The following DYNC1LI1 variants were observed in gnomAD, a reference collection of about 807,000 sequenced individuals.
DYNC1LI1 encodes cytoplasmic dynein 1 light intermediate chain 1.
DYNC1LI1 carries 19 observed loss-of-function variants against 63.8 expected under a neutral mutation model. The observed-to-expected ratio is 0.30, with a 90% CI of 0.21 to 0.44. DYNC1LI1 has a LOEUF of 0.44. DYNC1LI1 is among the 20% of genes least tolerant of loss of function. DYNC1LI1 has a pLI of 1.00. For missense variants in DYNC1LI1, 565 were observed against 630.2 expected, an observed-to-expected ratio of 0.90 and a Z score of 1.11; for synonymous variants, 225 against 232.3, an observed-to-expected ratio of 0.97 and a Z score of 0.28.
chr3:32,550,006 G>T (rs1698010311), intron 2 of DYNC1LI1, among the ~76,000 whole-genome samples: 1 of 152,116 alleles, frequency 6.6e-6, no homozygotes, highest in Non-Finnish European at 1.5e-5. Flanking sequence ...TTGATAATTT[G>T]GTTATCTCTG....
chr3:32,555,826 G>C (rs1013886969), intron 2 of DYNC1LI1, among the ~76,000 whole-genome samples: 1 of 152,230 alleles, frequency 6.6e-6, no homozygotes, highest in Non-Finnish European at 1.5e-5. Flanking sequence ...ATGGGTAAGA[G>C]AGCAGGACAC....
intron 2 of DYNC1LI1, among the ~76,000 whole-genome samples, chr3:32,553,430 T>C (rs1239645095): frequency 3.3e-5 from 5 of 152,184 alleles, no homozygotes; most frequent in Admixed American, 3.3e-4. Flanking sequence ...AATCCCTAAA[T>C]GCAGGATACA....
chr3:32,539,781 C>A (rs1452908045), intron 5 of DYNC1LI1, among the ~76,000 whole-genome samples: 5 of 151,806 alleles, frequency 3.3e-5, no homozygotes, highest in Admixed American at 3.3e-4. Context: ...ATGATCCGCC[C>A]ACCTCGACCT....
chr3:32,533,877 CTTTTTT>C (rs57075516), intron 7 of DYNC1LI1, among the ~76,000 whole-genome samples: 73 of 130,468 alleles, frequency 5.6e-4, no homozygotes, highest in African/African-American at 2.0e-3. Flanking sequence ...AGGTAACTTT[CTTTTTT>C]TTTTTTTTTT....
intron 2 of DYNC1LI1, 141 bp downstream of exon 2, chr3:32,570,205 C>T: frequency 5.2e-6 from 4 of 766,098 alleles, no homozygotes; most frequent in Non-Finnish European, 9.0e-6. Context: ...CTCTCCCAGC[C>T]ATCCGCGACA....
intron 2 of DYNC1LI1, among the ~76,000 whole-genome samples, chr3:32,563,033 C>T (rs144118311): frequency 4.4e-4 from 67 of 152,090 alleles, no homozygotes; most frequent in East Asian, 4.3e-3. Context: ...TATTTCATAC[C>T]GACATACTTG....
At chr3:32,541,376 C>T (rs1374075854) in intron 4 of DYNC1LI1, among the ~76,000 whole-genome samples, 170 bp from the exon 5 acceptor site, 1 of 152,040 alleles carries the variant, frequency 6.6e-6, no homozygotes, top group African/African-American at 2.4e-5. Context: ...AACACTGGAC[C>T]CACAGTAATA....
At chr3:32,528,983 G>C (rs1219137167) in intron 11 of DYNC1LI1, among the ~76,000 whole-genome samples, 4 of 152,064 alleles carry the variant, frequency 2.6e-5, no homozygotes, top group Non-Finnish European at 5.9e-5. Context: ...GAGATAAATG[G>C]GCAAATGATA....
chr3:32,532,485 G>GTATATATATATGTA lies in DYNC1LI1; in HGVS notation c.1080+500_1080+501insTACATATATATATA, dbSNP rs1292389896. 491 of 122,192 alleles carry GTATATATATATGTA rather than the reference G, an allele frequency of 4.0e-3. 8 individuals are homozygous for GTATATATATATGTA. Among genetic ancestry groups the GTATATATATATGTA allele is most frequent in the African/African-American group, 0.013 (464 of 34,506 alleles). 7.6% of individuals were successfully genotyped at this position (122,192 alleles called of 1,614,324 possible). A position where few individuals can be genotyped will look rare whatever the true frequency, so the allele number is the denominator to read the frequency against. On this transcript the variant is annotated intron_variant, in intron 8 of 12. Transcript: ENST00000273130. ...CATCTCAAAAAAAAAAAAAAAATGT[G>GTATATATATATGTA]TGTATATATATATATATATATAAAA... is the stretch of plus-strand genomic sequence containing the variant.
At chr3:32,542,753 GA>G (rs1313570128) in intron 4 of DYNC1LI1, among the ~76,000 whole-genome samples, 1 of 151,838 alleles carries the variant, frequency 6.6e-6, no homozygotes, top group Non-Finnish European at 1.5e-5. Flanking sequence ...TACTTACTTA[GA>G]AAAAAAATGT....
intron 5 of DYNC1LI1, among the ~76,000 whole-genome samples, chr3:32,537,903 A>ATATATAATT (rs1559436058): frequency 3.9e-5 from 2 of 51,880 alleles, no homozygotes; most frequent in African/African-American, 1.6e-4. Flanking sequence ...TATATATAAT[A>ATATATAATT]TATATATATA....
At chr3:32,538,429 G>A (rs1163627203) in intron 5 of DYNC1LI1, among the ~76,000 whole-genome samples, 2 of 151,784 alleles carry the variant, frequency 1.3e-5, no homozygotes, top group Admixed American at 6.6e-5. Flanking sequence ...GGCCAGGCGC[G>A]GTGGCTCACG....
chr3:32,570,239 G>A, intron 2 of DYNC1LI1, 107 bp downstream of exon 2: 1 of 925,516 alleles, frequency 1.1e-6, no homozygotes, highest in South Asian at 1.4e-5. Context: ...GGCGGGGCGG[G>A]GCTGGGCCGG....
At chr3:32,537,909 ATAT>A (rs1559436073) in intron 5 of DYNC1LI1, among the ~76,000 whole-genome samples, 26 of 82,054 alleles carry the variant, frequency 3.2e-4, no homozygotes, top group African/African-American at 1.4e-3. Context: ...TAATATATAT[ATAT>A]AATTTATATA....
At chr3:32,530,780 T>A in intron 8 of DYNC1LI1, 1 of 400,942 alleles carries the variant, frequency 2.5e-6, no homozygotes, top group Non-Finnish European at 4.5e-6. Context: ...ACTGAGCACT[T>A]GAAATGTGGC....
intron 8 of DYNC1LI1, chr3:32,532,699 T>C (rs911830996): frequency 4.0e-5 from 11 of 273,680 alleles, no homozygotes; most frequent in Non-Finnish European, 1.9e-5. Context: ...TATTCACTCA[T>C]GCCAATCTGA....
Position 32,545,923 on chromosome 3 carries a change from T to C in DYNC1LI1, c.263A>G (p.Gln88Arg). The change falls in exon 3 of 13, where the codon CAG becomes CGG. Residue 88 changes from glutamine (Q) to arginine (R), a missense_variant. Gln to Arg is a conservative substitution (Grantham distance 43, BLOSUM62 1). Transcript: ENST00000273130. Reference protein sequence around the residue: ...AGKTSLIRKIQGIEEYKKGRG... With the variant: ...AGKTSLIRKIRGIEEYKKGRG... Reference sequence around the variant, plus strand: ...TCCTTTCTTATACTCCTCTATTCCCTGAATTTTTCTTATTAAGCTTGTTTT... The same window carrying C: ...TCCTTTCTTATACTCCTCTATTCCCCGAATTTTTCTTATTAAGCTTGTTTT... 1.9e-6 allele frequency: 3 copies of C among 1,612,560 alleles called. No individual in the cohort carries two copies. Among genetic ancestry groups the C allele is most frequent in the Non-Finnish European group, 2.5e-6 (3 of 1,179,028 alleles).
chr3:32,544,267 A>G (rs925734226), intron 4 of DYNC1LI1, among the ~76,000 whole-genome samples: 3 of 152,180 alleles, frequency 2.0e-5, no homozygotes, highest in African/African-American at 7.2e-5. Flanking sequence ...GGTCAGTAAG[A>G]TTACGAATTA....
intron 2 of DYNC1LI1, among the ~76,000 whole-genome samples, chr3:32,552,328 A>G (rs927700061): frequency 2.0e-5 from 3 of 151,966 alleles, no homozygotes; most frequent in Admixed American, 1.3e-4. Flanking sequence ...ATCTTTCTTC[A>G]TTCATTCACT....
Sources: allele counts gnomAD v4.1 joint callset (sites outside exome capture counted in the v4.1 genomes callset), GRCh38; gene constraint gnomAD v4.1.1; transcripts MANE v1.5; gene names NCBI Gene and HGNC (gene_info 2026-07-23, HGNC 2026-07-21).